The following SLCO1B3 variants were observed in gnomAD, a reference collection of about 807,000 sequenced individuals.
SLCO1B3 encodes the protein solute carrier organic anion transporter family member 1B3, also known as liver-specific organic anion transporter 2.
A neutral mutation model predicts 71.8 loss-of-function variants in SLCO1B3; 72 were observed. That is an observed-to-expected ratio of 1.00 (90% CI 0.83 to 1.22). The LOEUF (loss-of-function observed/expected upper bound fraction) is 1.22. SLCO1B3 is among the 50% of genes most tolerant of loss of function. The probability of loss-of-function intolerance (pLI) is 0.00; values close to 1 mark genes in which losing one functional copy is unlikely to be tolerated. For synonymous variants in SLCO1B3, 298 were observed against 278.4 expected, an observed-to-expected ratio of 1.07 and a Z score of -0.70; for missense variants, 911 against 819.7, an observed-to-expected ratio of 1.11 and a Z score of -1.36.
chr12:20,877,952 T>C lies in SLCO1B3; in HGVS notation c.1135+16T>C, dbSNP rs772320164. On this transcript the variant is annotated intron_variant, in intron 10 of 15. Transcript: ENST00000381545. Reference sequence around the variant, plus strand: ...TTTTTGTTGGGTAAGACATATTTTTTACCTGTTTGCTTGATAAATGAAACA... The same window carrying C: ...TTTTTGTTGGGTAAGACATATTTTTCACCTGTTTGCTTGATAAATGAAACA... 1.9e-5 allele frequency: 30 copies of C among 1,557,546 alleles called. No individual in the cohort carries two copies. The South Asian group carries it at 3.6e-4, about 19-fold the overall frequency.
intron 3 of SLCO1B3, 81 bp downstream of exon 3, chr12:20,815,903 A>G: frequency 1.4e-6 from 1 of 718,026 alleles, no homozygotes; most frequent in Non-Finnish European, 2.3e-6. Flanking sequence ...ACTGTCAAAA[A>G]GAACATTATA....
At position 20,916,586 on chromosome 12, in the gene SLCO1B3, G is replaced by C. The variant is rs191491660; in HGVS notation, c.*339G>C. On this transcript the variant is annotated 3_prime_UTR_variant, in exon 16 of 16. Coordinates refer to ENST00000381545, the MANE Select transcript of SLCO1B3 (RefSeq NM_019844.4). ...ATAGCCTAAATAAAGAGAAAAGCCTGATGCCTTTAAAAAAAATGAAACACT... is the reference window on the plus strand; with the variant it reads ...ATAGCCTAAATAAAGAGAAAAGCCTCATGCCTTTAAAAAAAATGAAACACT... The C allele has an allele frequency of 1.2e-4, 17 of 147,754 alleles. No homozygotes were observed. The East Asian group carries it at 3.1e-3, about 27-fold the overall frequency. 9.2% of individuals were successfully genotyped at this position (147,754 alleles called of 1,614,324 possible).
At chr12:20,914,277 G>T (rs1295729815) in intron 15 of SLCO1B3, among the ~76,000 whole-genome samples, 3 of 151,688 alleles carry the variant, frequency 2.0e-5, no homozygotes, top group Admixed American at 1.3e-4. Context: ...TTTATTAGTT[G>T]TACTTTTTAA....
intron 4 of SLCO1B3, among the ~76,000 whole-genome samples, chr12:20,857,437 G>A (rs7312103): frequency 0.72 from 109,937 of 151,684 alleles, 42,408 homozygotes; most frequent in South Asian, 0.9. Flanking sequence ...TTTTTCCTCT[G>A]AATTTCTACC....
At chr12:20,815,356 T>C (rs1310644114) in intron 2 of SLCO1B3, among the ~76,000 whole-genome samples, 3 of 152,148 alleles carry the variant, frequency 2.0e-5, no homozygotes, top group Non-Finnish European at 4.4e-5. Flanking sequence ...ATGTAGAAAA[T>C]ATAAAAATTT....
At chr12:20,898,966 G>T (rs1197789237) in intron 14 of SLCO1B3, among the ~76,000 whole-genome samples, 1 of 152,160 alleles carries the variant, frequency 6.6e-6, no homozygotes, top group Non-Finnish European at 1.5e-5. Flanking sequence ...ATTTCCCACT[G>T]CCTGGTCCTC....
rs766191913 is a variant in SLCO1B3, at chr12:20,862,812, C to T, written c.685C>T (p.Leu229=). Residue 229 remains leucine (L), a synonymous_variant, in exon 8 of 16, where the codon CTG becomes TTG. Transcript: ENST00000381545. The part of the protein sequence containing the change: ...GPVIGFALGS[L]FAKMYVDIGY... ...AGTCATTGGCTTTGCACTGGGATCT[C>T]TGTTTGCTAAAATGTACGTGGATAT... 1 of 1,611,532 alleles carries T rather than the reference C, an allele frequency of 6.2e-7. No homozygotes were observed. The highest frequency in any genetic ancestry group is 1.1e-5 in the South Asian group (1 of 90,984).
chr12:20,820,780 G>A (rs12822348), intron 3 of SLCO1B3, among the ~76,000 whole-genome samples: 41,575 of 132,548 alleles, frequency 0.31, 5,751 homozygotes, highest in African/African-American at 0.34. Context: ...GGTTGCTGCC[G>A]AATGAGCCAT....
chr12:20,861,402 C>T (rs1219961567), intron 6 of SLCO1B3, among the ~76,000 whole-genome samples: 1 of 152,084 alleles, frequency 6.6e-6, no homozygotes, highest in Admixed American at 6.6e-5. Context: ...GGTCTGACTT[C>T]TATAGGCGGT....
chr12:20,867,506 A>T (rs4762686), intron 8 of SLCO1B3, among the ~76,000 whole-genome samples: 110,010 of 151,950 alleles, frequency 0.72, 42,430 homozygotes, highest in South Asian at 0.9. Context: ...AACAGGCACA[A>T]CAGAGGAATT....
chr12:20,857,273 G>T (rs1487964087), intron 4 of SLCO1B3, among the ~76,000 whole-genome samples: 1 of 151,934 alleles, frequency 6.6e-6, no homozygotes, highest in Non-Finnish European at 1.5e-5. Context: ...CTGGACAAAC[G>T]TAGGAACTTT....
At chr12:20,836,524 G>T (rs1053450038) in intron 3 of SLCO1B3, among the ~76,000 whole-genome samples, 1 of 152,106 alleles carries the variant, frequency 6.6e-6, no homozygotes, top group African/African-American at 2.4e-5. Context: ...AAGATAGAAA[G>T]TATTCCTGAT....
chr12:20,854,997 C>T lies in SLCO1B3; in HGVS notation c.85-31C>T, dbSNP rs767120682. The T allele has an allele frequency of 2.5e-6, 4 of 1,597,238 alleles. No homozygotes were observed. The South Asian group carries it at 4.5e-5, about 18-fold the overall frequency. Reference sequence around the variant, plus strand: ...AACATTATATAGTTCTTTGATTAACCAATTTTCATTTTTTCTTCTATTGTT... The same window carrying T: ...AACATTATATAGTTCTTTGATTAACTAATTTTCATTTTTTCTTCTATTGTT... On this transcript the variant is annotated intron_variant, in intron 3 of 15. Transcript: ENST00000381545.
Position 20,875,419 on chromosome 12 carries a change from T to C in SLCO1B3, c.912T>C (p.Asp304=), listed in dbSNP as rs983726989. ...TGCATGTGCTGAAAACAAATGATGATAGAAATCAAACAGCTAATTTGACCA... is the reference window on the plus strand; with the variant it reads ...TGCATGTGCTGAAAACAAATGATGACAGAAATCAAACAGCTAATTTGACCA... ...LSLHVLKTND[D]RNQTANLTNQ... Residue 304 remains aspartate, a synonymous_variant, in exon 9 of 16, where the codon GAT becomes GAC. Transcript: ENST00000381545. 6.2e-7 allele frequency: 1 copy of C among 1,607,764 alleles called. No homozygotes were observed. Among genetic ancestry groups the C allele is most frequent in the Admixed American group, 1.7e-5 (1 of 58,168 alleles).
At chr12:20,906,135 G>A (rs1866241112) in intron 15 of SLCO1B3, among the ~76,000 whole-genome samples, 1 of 152,182 alleles carries the variant, frequency 6.6e-6, no homozygotes, top group Admixed American at 6.5e-5. Flanking sequence ...TGGGATTTGG[G>A]CAGGGACAGA....
chr12:20,862,313 C>G lies in SLCO1B3; in HGVS notation c.482-99C>G, dbSNP rs562893053. 997 of 1,346,554 alleles carry G rather than the reference C, an allele frequency of 7.4e-4. 1 individual carries two copies. The highest frequency in any genetic ancestry group is 1.8e-3 in the Middle Eastern group (7 of 3,828). The allele number at this position is 1,346,554 out of a possible 1,614,324, so 83.4% of individuals were successfully genotyped here. On this transcript the variant is annotated intron_variant, in intron 6 of 15. Transcript: ENST00000381545. ...GAATCACTTGTAATTAGGAAACAAA[C>G]AAACAAAAAATGGAAAAATGAAGGA...
chr12:20,862,677 T>C (rs1865292493), intron 7 of SLCO1B3, 79 bp from the exon 8 acceptor site: 3 of 1,435,112 alleles, frequency 2.1e-6, no homozygotes, highest in African/African-American at 1.4e-5. Context: ...GTGTATTGTA[T>C]AATATTACTT....
chr12:20,914,493 GTATA>G (rs1375167858), intron 15 of SLCO1B3, among the ~76,000 whole-genome samples: 1 of 151,846 alleles, frequency 6.6e-6, no homozygotes, highest in Non-Finnish European at 1.5e-5. Flanking sequence ...GAATAAGCAT[GTATA>G]TTATATATAA....
intron 10 of SLCO1B3, among the ~76,000 whole-genome samples, chr12:20,878,408 C>G (rs565039611): frequency 2.0e-5 from 3 of 151,974 alleles, no homozygotes; most frequent in Non-Finnish European, 4.4e-5. Flanking sequence ...TGATTCAAAA[C>G]AAATGTCATA....
Sources: gnomAD v4.1 joint callset for allele counts (sites outside exome capture counted in the v4.1 genomes callset) on GRCh38, gnomAD v4.1.1 for gene constraint, MANE v1.5 for transcripts, NCBI Gene and HGNC (gene_info 2026-07-23, HGNC 2026-07-21) for gene names.